Variants in MTA3 observed in about 807,000 individuals in gnomAD.
MTA3 encodes the protein metastasis associated 1 family member 3.
MTA3 carries 34 observed loss-of-function variants against 83.5 expected under a neutral mutation model. The observed-to-expected ratio is 0.41, with a 90% CI of 0.31 to 0.54. The LOEUF (loss-of-function observed/expected upper bound fraction) is 0.54, where lower values mean the gene tolerates loss of function less well. Ranked by LOEUF, MTA3 falls within the 20% of genes least tolerant of loss-of-function variation. MTA3 has a pLI of 0.33. For missense variants in MTA3, 761 were observed against 726.4 expected, an observed-to-expected ratio of 1.05 and a Z score of -0.55; for synonymous variants, 303 against 252.7, an observed-to-expected ratio of 1.20 and a Z score of -1.89.
chr2:42,667,627 G>GTGTGT (rs1558562542), intron 8 of MTA3, among the ~76,000 whole-genome samples: 2 of 23,006 alleles, frequency 8.7e-5, no homozygotes, highest in Non-Finnish European at 7.7e-5. Flanking sequence ...GAGAAAGAGA[G>GTGTGT]AGAGAGAGAG....
At position 42,607,017 on chromosome 2, in the gene MTA3, C is replaced by T. The variant is rs1395943038; in HGVS notation, c.191-2441C>T. 2.1e-5 allele frequency among the ~76,000 whole-genome samples: 3 copies of T among 145,528 alleles called. No homozygotes were observed. In the East Asian group the frequency reaches 6.5e-4, roughly 32 times the overall value. On this transcript the variant is annotated intron_variant, in intron 3 of 16. Transcript: ENST00000405094. ...AGGTTGCAGTGAGCCGAGATGGCAG[C>T]AGTACAGTCCAGCTTCGGCTCCGCA...
intron 9 of MTA3, among the ~76,000 whole-genome samples, chr2:42,690,850 T>C (rs951657388): frequency 7.4e-6 from 1 of 134,736 alleles, no homozygotes; most frequent in African/African-American, 3.0e-5. Context: ...AATTTTTGTA[T>C]TTTTATTTTA....
At chr2:42,587,859 C>T (rs1186231227) in intron 3 of MTA3, among the ~76,000 whole-genome samples, 2 of 152,138 alleles carry the variant, frequency 1.3e-5, no homozygotes, top group Non-Finnish European at 2.9e-5. Flanking sequence ...ACCTTGGCCT[C>T]CTAAGGTGCT....
At chr2:42,647,752 C>T (rs1235562483) in intron 6 of MTA3, among the ~76,000 whole-genome samples, 1 of 152,124 alleles carries the variant, frequency 6.6e-6, no homozygotes, top group African/African-American at 2.4e-5. Context: ...CCATTTTGAA[C>T]TCTTATTTCA....
intron 16 of MTA3, among the ~76,000 whole-genome samples, chr2:42,739,922 C>T (rs1373760034): frequency 1.3e-5 from 2 of 152,174 alleles, no homozygotes; most frequent in African/African-American, 2.4e-5. Flanking sequence ...CTTCAGGTTC[C>T]ACTTCTCATT....
At chr2:42,631,450 G>C (rs1022327454) in intron 4 of MTA3, among the ~76,000 whole-genome samples, 1 of 152,082 alleles carries the variant, frequency 6.6e-6, no homozygotes, top group Non-Finnish European at 1.5e-5. Context: ...AAGAGCATTT[G>C]GGTTAGATGC....
intron 5 of MTA3, among the ~76,000 whole-genome samples, chr2:42,641,129 A>G (rs1381788693): frequency 2.7e-5 from 4 of 149,414 alleles, no homozygotes; most frequent in African/African-American, 9.9e-5. Context: ...CTGGTCTTCA[A>G]CTCCTGGCCT....
intron 4 of MTA3, among the ~76,000 whole-genome samples, chr2:42,637,096 C>T (rs1687277668): frequency 6.6e-6 from 1 of 152,150 alleles, no homozygotes; most frequent in African/African-American, 2.4e-5. Context: ...TTTGTTTTGT[C>T]GTAATTATTT....
At chr2:42,655,780 T>C (rs1366623936) in intron 6 of MTA3, among the ~76,000 whole-genome samples, 2 of 152,154 alleles carry the variant, frequency 1.3e-5, no homozygotes, top group Non-Finnish European at 1.5e-5. Flanking sequence ...TTTTTGTATT[T>C]TTAGTAGAGA....
At chr2:42,639,092 G>C (rs1363717494) in intron 4 of MTA3, among the ~76,000 whole-genome samples, 1 of 141,000 alleles carries the variant, frequency 7.1e-6, no homozygotes, top group Non-Finnish European at 1.5e-5. Flanking sequence ...GCGGAGTCTT[G>C]CTCTGTCGCC....
At chr2:42,584,762 G>C (rs1208678198) in intron 3 of MTA3, among the ~76,000 whole-genome samples, 4 of 152,028 alleles carry the variant, frequency 2.6e-5, no homozygotes, top group African/African-American at 9.7e-5. Context: ...AGTTACTCAG[G>C]AGACTGAGGC....
intron 9 of MTA3, among the ~76,000 whole-genome samples, chr2:42,694,085 C>T (rs908956333): frequency 6.6e-6 from 1 of 152,144 alleles, no homozygotes; most frequent in Non-Finnish European, 1.5e-5. Flanking sequence ...GGCCTCACGA[C>T]TCTGCCTGGT....
Position 42,756,099 on chromosome 2 carries a change from A to G in MTA3, c.*2700A>G. On this transcript the variant is annotated 3_prime_UTR_variant, in exon 17 of 17. Transcript: ENST00000405094. The stretch of plus-strand genomic sequence containing the variant: ...AACAAGAAAAGCTGAGAGGCAAAAC[A>G]GGGGAGTGAGGGGCAACCCAGAGGT... The G allele has an allele frequency of 1.2e-6, 1 of 818,010 alleles. No individual in the cohort carries two copies. Among genetic ancestry groups the G allele is most frequent in the South Asian group, 5.5e-5 (1 of 18,076 alleles). 50.7% of individuals were successfully genotyped at this position (818,010 alleles called of 1,614,324 possible). A position where few individuals can be genotyped will look rare whatever the true frequency, so the allele number is the denominator to read the frequency against.
chr2:42,498,147 C>A (rs1558397606), intron 2 of MTA3, among the ~76,000 whole-genome samples: 1 of 152,182 alleles, frequency 6.6e-6, no homozygotes, highest in African/African-American at 2.4e-5. Context: ...TTTAAAAAGC[C>A]CTTGCCCTGC....
Position 42,552,836 on chromosome 2 carries a change from G to A in MTA3, c.-140-17601G>A, listed in dbSNP as rs574322126. Among the ~76,000 whole-genome samples the A allele has an allele frequency of 5.9e-4, 90 of 151,998 alleles. 1 individual carries two copies. Among genetic ancestry groups the A allele is most frequent in the African/African-American group, 2.1e-3 (88 of 41,466 alleles). On this transcript the variant is annotated intron_variant, in intron 2 of 17. Transcript: ENST00000405592. ...GTGGCGGCACATGCCTGTAGTCCCA[G>A]CTACTCGGGAGGCTGAGGCAGGAGA... is the stretch of plus-strand genomic sequence containing the variant.
At chr2:42,598,550 T>C (rs1371262725) in intron 3 of MTA3, among the ~76,000 whole-genome samples, 1 of 152,246 alleles carries the variant, frequency 6.6e-6, no homozygotes, top group East Asian at 1.9e-4. Flanking sequence ...TAAGGTCACC[T>C]AACTGGATTA....
intron 3 of MTA3, among the ~76,000 whole-genome samples, chr2:42,599,422 G>A (rs931463618): frequency 3.3e-5 from 5 of 151,852 alleles, no homozygotes; most frequent in African/African-American, 9.7e-5. Flanking sequence ...GTGAAACCCC[G>A]TCTCTACTAA....
intron 2 of MTA3, among the ~76,000 whole-genome samples, chr2:42,515,554 G>A (rs192882070): frequency 1.3e-5 from 2 of 151,900 alleles, no homozygotes; most frequent in African/African-American, 4.8e-5. Flanking sequence ...CCAGGCTAGA[G>A]TGCAGTGGTA....
chr2:42,551,083 A>AT (rs1444083673), intron 2 of MTA3, among the ~76,000 whole-genome samples: 40 of 151,644 alleles, frequency 2.6e-4, no homozygotes, highest in Middle Eastern at 3.4e-3. Flanking sequence ...AAATAAATAA[A>AT]TAAATTAAAA....
Sources: allele counts gnomAD v4.1 joint callset (sites outside exome capture counted in the v4.1 genomes callset), GRCh38; gene constraint gnomAD v4.1.1; transcripts MANE v1.5; gene names NCBI Gene and HGNC (gene_info 2026-07-23, HGNC 2026-07-21).